Variants in FBXL7 observed in about 807,000 individuals in gnomAD.
FBXL7 encodes F-box and leucine rich repeat protein 7.
Under a neutral mutation model 38.3 loss-of-function variants are expected in FBXL7, and 12 were observed. The observed-to-expected ratio is 0.31, with a 90% CI of 0.20 to 0.51. The LOEUF (loss-of-function observed/expected upper bound fraction) is 0.51, where lower values mean the gene tolerates loss of function less well. Among genes scored for constraint, FBXL7 ranks in the 20% least tolerant of loss-of-function variants. The pLI is 0.98. For synonymous variants in FBXL7, 297 were observed against 300.9 expected (o/e 0.99, Z 0.13); for missense variants, 567 against 676.4 (o/e 0.84, Z 1.79).
At chr5:15,832,485 T>C (rs1481602274) in intron 2 of FBXL7, among the ~76,000 whole-genome samples, 1 of 152,190 alleles carries the variant, frequency 6.6e-6, no homozygotes, top group African/African-American at 2.4e-5. Context: ...ACCAGAAATG[T>C]GACTAAAAAC....
At chr5:15,612,159 C>T (rs1167386998) in intron 1 of FBXL7, among the ~76,000 whole-genome samples, 1 of 151,856 alleles carries the variant, frequency 6.6e-6, no homozygotes, top group Non-Finnish European at 1.5e-5. Context: ...GAATCACATA[C>T]ATAGTACATA....
intron 2 of FBXL7, among the ~76,000 whole-genome samples, chr5:15,681,526 A>T (rs1199789353): frequency 6.6e-6 from 1 of 152,218 alleles, no homozygotes; most frequent in African/African-American, 2.4e-5. Flanking sequence ...GATTAGAGAA[A>T]AGACTAGAAT....
At chr5:15,934,383 C>T (rs1382019394) in intron 3 of FBXL7, among the ~76,000 whole-genome samples, 1 of 151,954 alleles carries the variant, frequency 6.6e-6, no homozygotes, top group Non-Finnish European at 1.5e-5. Flanking sequence ...ATATTAGTTA[C>T]ATTAATATAC....
At chr5:15,842,369 C>G (rs893507745) in intron 2 of FBXL7, among the ~76,000 whole-genome samples, 31 of 152,158 alleles carry the variant, frequency 2.0e-4, no homozygotes, top group South Asian at 4.2e-4. Flanking sequence ...GCGTATTCAC[C>G]CAATACCTGT....
At chr5:15,640,139 C>T (rs746215647) in intron 2 of FBXL7, among the ~76,000 whole-genome samples, 4 of 152,114 alleles carry the variant, frequency 2.6e-5, no homozygotes, top group Non-Finnish European at 4.4e-5. Flanking sequence ...TAATACCACA[C>T]GTTGGGTAGC....
chr5:15,865,818 A>G (rs1169201817), intron 2 of FBXL7, among the ~76,000 whole-genome samples: 1 of 152,164 alleles, frequency 6.6e-6, no homozygotes, highest in Non-Finnish European at 1.5e-5. Flanking sequence ...TTTCATCATA[A>G]TTGTTGTGAG....
intron 2 of FBXL7, among the ~76,000 whole-genome samples, chr5:15,813,236 T>A (rs1737917109): frequency 1.3e-5 from 2 of 152,052 alleles, no homozygotes; most frequent in African/African-American, 4.8e-5. Context: ...ATATACAGAC[T>A]GATGGAACAG....
chr5:15,646,788 T>C lies in FBXL7; in HGVS notation c.127+30716T>C, dbSNP rs1222443049. ...TCTGGACTATATGAGTCTCGGAGAT[T>C]TAGAATGTGTTATGGTGACAGTCGC... is the stretch of plus-strand genomic sequence containing the variant. On this transcript the variant is annotated intron_variant, in intron 2 of 3. Transcript: ENST00000504595. 2.0e-5 allele frequency among the ~76,000 whole-genome samples: 3 copies of C among 152,210 alleles called. No individual in the cohort carries two copies. The East Asian group carries it at 5.8e-4, about 29-fold the overall frequency.
intron 2 of FBXL7, 126 bp from the exon 3 acceptor site, chr5:15,927,764 T>TAAAAAAAAAAAAAAAAA (rs753935096): frequency 1.1e-4 from 50 of 456,816 alleles, no homozygotes; most frequent in African/African-American, 7.3e-4. Flanking sequence ...GACAAGATCT[T>TAAAAAAAAAAAAAAAAA]AAAAAAAAAA....
chr5:15,530,851 A>G (rs1737400227), intron 1 of FBXL7, among the ~76,000 whole-genome samples: 1 of 152,214 alleles, frequency 6.6e-6, no homozygotes, highest in Non-Finnish European at 1.5e-5. Context: ...ATGACCCTGC[A>G]TGTTTTTTGC....
At chr5:15,833,586 C>T (rs1189339984) in intron 2 of FBXL7, among the ~76,000 whole-genome samples, 4 of 152,206 alleles carry the variant, frequency 2.6e-5, no homozygotes, top group African/African-American at 7.2e-5. Context: ...GAACAAGACT[C>T]TCCTCTCTAA....
In FBXL7 at chr5:15,887,091, T is replaced by G. The variant is rs371950677; in HGVS notation, c.128-40799T>G. On this transcript the variant is annotated intron_variant, in intron 2 of 3. Transcript: ENST00000504595. The stretch of plus-strand genomic sequence containing the variant: ...ACTTATAAATGTGTATCTCCCATAA[T>G]TTTAAAAAAATCGTTTATATATGGG... Among the ~76,000 whole-genome samples, 41 of 152,128 alleles carry G rather than the reference T, an allele frequency of 2.7e-4. 1 individual carries two copies. The highest frequency in any genetic ancestry group is 2.5e-3 in the East Asian group (13 of 5,184).
chr5:15,699,488 T>C (rs1321502222), intron 2 of FBXL7, among the ~76,000 whole-genome samples: 1 of 152,178 alleles, frequency 6.6e-6, no homozygotes, highest in African/African-American at 2.4e-5. Flanking sequence ...ACCCGTCGTA[T>C]TGGATTAAAG....
At chr5:15,769,867 A>C (rs1040146812) in intron 2 of FBXL7, among the ~76,000 whole-genome samples, 13 of 152,328 alleles carry the variant, frequency 8.5e-5, no homozygotes, top group Middle Eastern at 6.8e-3. Flanking sequence ...TTTAACATTT[A>C]GGTAAGCAGG....
chr5:15,689,063 C>T (rs1314459727), intron 2 of FBXL7, among the ~76,000 whole-genome samples: 1 of 152,174 alleles, frequency 6.6e-6, no homozygotes, highest in Non-Finnish European at 1.5e-5. Flanking sequence ...CAGGACATCA[C>T]CACCATCTGC....
chr5:15,795,007 T>C (rs1737378992), intron 2 of FBXL7, among the ~76,000 whole-genome samples: 1 of 152,244 alleles, frequency 6.6e-6, no homozygotes, highest in Non-Finnish European at 1.5e-5. Context: ...GAACTGCTTA[T>C]GAAACTTTTA....
At chr5:15,847,645 G>T (rs1579515803) in intron 2 of FBXL7, among the ~76,000 whole-genome samples, 1 of 152,094 alleles carries the variant, frequency 6.6e-6, no homozygotes, top group African/African-American at 2.4e-5. Flanking sequence ...AAGGTGGGGG[G>T]ACCTTGCAGA....
At chr5:15,670,877 A>C (rs1742446838) in intron 2 of FBXL7, among the ~76,000 whole-genome samples, 1 of 152,110 alleles carries the variant, frequency 6.6e-6, no homozygotes, top group South Asian at 2.1e-4. Flanking sequence ...CCCTCTTTAC[A>C]CACTCACAGC....
intron 2 of FBXL7, among the ~76,000 whole-genome samples, chr5:15,747,461 CTT>C (rs1736044673): frequency 6.6e-6 from 1 of 152,160 alleles, no homozygotes; most frequent in African/African-American, 2.4e-5. Flanking sequence ...TGTCTCAACT[CTT>C]AGATTGGATG....
Sources: allele counts gnomAD v4.1 joint callset (sites outside exome capture counted in the v4.1 genomes callset), GRCh38; gene constraint gnomAD v4.1.1; transcripts MANE v1.5; gene names NCBI Gene and HGNC (gene_info 2026-07-23, HGNC 2026-07-21).